EDA: variants seen among roughly 807,000 people sequenced by gnomAD.
EDA encodes the protein ectodysplasin A.
Under a neutral mutation model 23.6 loss-of-function variants are expected in EDA, and 2 were observed. That is an observed-to-expected ratio of 0.08 (90% CI 0.03 to 0.27). The LOEUF (loss-of-function observed/expected upper bound fraction) is 0.27. Among genes scored for constraint, EDA ranks in the 10% least tolerant of loss-of-function variants. The pLI is 1.00. For missense variants in EDA, 229 were observed against 324.2 expected (o/e 0.71, Z 2.26); for synonymous variants, 131 against 132.0 (o/e 0.99, Z 0.05).
chrX:69,942,859 T>C (rs1360688693), intron 1 of EDA, among the ~76,000 whole-genome samples: 3 of 111,015 alleles, frequency 2.7e-5, no homozygotes, highest in African/African-American at 9.8e-5. Flanking sequence ...TTCTAGATCT[T>C]ATAGGCATGC....
At chrX:69,993,834 A>G (rs1468462798) in intron 2 of EDA, among the ~76,000 whole-genome samples, 2 of 111,247 alleles carry the variant, frequency 1.8e-5, no homozygotes, top group East Asian at 2.8e-4. Context: ...TCTCTATCTC[A>G]TATTTCTTCA....
intron 1 of EDA, among the ~76,000 whole-genome samples, chrX:69,906,274 A>G (rs2018175776): frequency 8.9e-6 from 1 of 112,273 alleles, no homozygotes; most frequent in Admixed American, 9.5e-5. Flanking sequence ...ACTTGCAGTC[A>G]GTCTCCTACT....
intron 1 of EDA, among the ~76,000 whole-genome samples, chrX:69,755,007 T>C (rs1161277922): frequency 8.9e-6 from 1 of 112,087 alleles, no homozygotes; most frequent in Non-Finnish European, 1.9e-5. Context: ...AACGTCCTCC[T>C]TTAGCTTGGA....
chrX:69,993,260 T>TA (rs1446369481), intron 2 of EDA, among the ~76,000 whole-genome samples: 11 of 111,242 alleles, frequency 9.9e-5, no homozygotes, highest in African/African-American at 3.6e-4. Context: ...ATATTGAGTT[T>TA]AAAATGAGAA....
chrX:70,029,595 C>T, intron 5 of EDA, 57 bp downstream of exon 5: 1 of 1,113,265 alleles, frequency 9.0e-7, no homozygotes. Context: ...GCTAGAGCCA[C>T]CTTTAAATTA....
At chrX:69,712,463 C>G (rs773616593) in intron 1 of EDA, among the ~76,000 whole-genome samples, 1 of 111,479 alleles carries the variant, frequency 9.0e-6, no homozygotes, top group Admixed American at 9.5e-5. Flanking sequence ...TGAGAAAATG[C>G]TCATCATCAC....
At chrX:69,639,251 A>G (rs1190096381) in intron 1 of EDA, among the ~76,000 whole-genome samples, 1 of 111,527 alleles carries the variant, frequency 9.0e-6, no homozygotes, top group Non-Finnish European at 1.9e-5. Flanking sequence ...TCATTTGAAC[A>G]CCTGTTTTCA....
intron 1 of EDA, chrX:69,616,977 G>A (rs1931988717): frequency 2.3e-6 from 1 of 430,205 alleles, no homozygotes; most frequent in Non-Finnish European, 4.1e-6. Flanking sequence ...AAAAGTTGGC[G>A]ACGCTCCCGT....
intron 1 of EDA, among the ~76,000 whole-genome samples, chrX:69,883,629 T>A (rs1277454904): frequency 1.8e-5 from 2 of 112,001 alleles, no homozygotes; most frequent in Middle Eastern, 4.6e-3. Flanking sequence ...CTAATTGGGA[T>A]TTCTTTGGTT....
chrX:69,683,402 T>A (rs1934441366), intron 1 of EDA, among the ~76,000 whole-genome samples: 1 of 111,502 alleles, frequency 9.0e-6, no homozygotes, highest in Non-Finnish European at 1.9e-5. Context: ...ACTACTGCTG[T>A]CTCTTCCCCC....
At chrX:69,937,071 G>T in intron 1 of EDA, 1 of 603,953 alleles carries the variant, frequency 1.7e-6, no homozygotes, top group Non-Finnish European at 2.7e-6. Context: ...GGGACTGTCT[G>T]TTGTTCAAAG....
chrX:69,849,082 TACACAC>T (rs370800783), intron 1 of EDA, among the ~76,000 whole-genome samples: 8,612 of 56,785 alleles, frequency 0.15, 605 homozygotes, highest in East Asian at 0.33. Flanking sequence ...AAAGTCTATA[TACACAC>T]ACACACACAC....
intron 1 of EDA, chrX:69,756,884 G>A (rs2014139161): frequency 8.9e-6 from 1 of 111,796 alleles, no homozygotes; most frequent in Non-Finnish European, 1.9e-5. Flanking sequence ...GGGGAAAGAA[G>A]AGGACAAAAC....
chrX:69,911,972 C>T (rs765759249), intron 1 of EDA, among the ~76,000 whole-genome samples: 30 of 112,544 alleles, frequency 2.7e-4, no homozygotes, highest in Non-Finnish European at 4.5e-4. Context: ...TTCACTGTAA[C>T]GTGATGCTGT....
chrX:69,878,421 G>A (rs1207743385), intron 1 of EDA, among the ~76,000 whole-genome samples: 3 of 112,463 alleles, frequency 2.7e-5, no homozygotes, highest in Non-Finnish European at 3.8e-5. Flanking sequence ...AGCTATGGCA[G>A]CTGAGCAGAG....
chrX:69,782,366 T>TAAAAAAAAAAAAAAAAA (rs751293381), intron 1 of EDA, among the ~76,000 whole-genome samples: 1 of 65,456 alleles, frequency 1.5e-5, no homozygotes, highest in African/African-American at 7.6e-5. Context: ...TAAATGCTCT[T>TAAAAAAAAAAAAAAAAA]AAAAAAAAAA....
At chrX:70,012,643 G>C (rs1318285881) in intron 2 of EDA, among the ~76,000 whole-genome samples, 1 of 112,490 alleles carries the variant, frequency 8.9e-6, no homozygotes, top group Admixed American at 9.4e-5. Context: ...TTTTCCCAAG[G>C]GATATGCCAA....
At chrX:69,735,970 G>T (rs1416557674) in intron 1 of EDA, among the ~76,000 whole-genome samples, 2 of 108,581 alleles carry the variant, frequency 1.8e-5, no homozygotes, top group Non-Finnish European at 3.8e-5. Context: ...CTGCCATGCA[G>T]CTCTGCAACT....
chrX:69,860,803 T>C, intron 1 of EDA: 1 of 517,323 alleles, frequency 1.9e-6, no homozygotes, highest in Non-Finnish European at 3.5e-6. Context: ...TTCTCATGGA[T>C]GATATCCTGA....
Sources: gnomAD v4.1 joint callset for allele counts (sites outside exome capture counted in the v4.1 genomes callset) on GRCh38, gnomAD v4.1.1 for gene constraint, MANE v1.5 for transcripts, NCBI Gene and HGNC (gene_info 2026-07-23, HGNC 2026-07-21) for gene names.